UNC79: variants seen among roughly 807,000 people sequenced by gnomAD.
UNC79 encodes the protein protein unc-79 homolog.
A neutral mutation model predicts 283.1 loss-of-function variants in UNC79; 37 were observed. That is an observed-to-expected ratio of 0.13 (90% confidence interval 0.10 to 0.17). UNC79 has a LOEUF of 0.17. Ranked by LOEUF, UNC79 falls within the 10% of genes least tolerant of loss-of-function variation. UNC79 has a pLI of 1.00. For synonymous variants in UNC79, 1,107 were observed against 1,200.2 expected (o/e 0.92, Z 1.61); for missense variants, 2,272 against 3,211.1 (o/e 0.71, Z 7.07).
intron 1 of UNC79, among the ~76,000 whole-genome samples, chr14:93,366,862 C>T (rs145222799): frequency 1.1e-3 from 172 of 152,232 alleles, no homozygotes; most frequent in Non-Finnish European, 2.1e-3. Context: ...TGTGAGCCAC[C>T]GTGCCCAGCC....
chr14:93,611,286 T>C (rs1001114300), intron 26 of UNC79, among the ~76,000 whole-genome samples: 1 of 151,760 alleles, frequency 6.6e-6, no homozygotes, highest in Admixed American at 6.6e-5. Flanking sequence ...CCTGGAATCA[T>C]ACTAAAGTGT....
chr14:93,427,900 G>T (rs2055767015), upstream of UNC79, among the ~76,000 whole-genome samples: 1 of 152,062 alleles, frequency 6.6e-6, no homozygotes, highest in Non-Finnish European at 1.5e-5. Flanking sequence ...CTGGGTAGTG[G>T]TAACATTAGT....
At chr14:93,680,315 C>T (rs2073742153) in intron 41 of UNC79, among the ~76,000 whole-genome samples, 2 of 152,142 alleles carry the variant, frequency 1.3e-5, no homozygotes, top group Non-Finnish European at 2.9e-5. Flanking sequence ...TACTTCTTCA[C>T]AAACCTTATC....
intron 26 of UNC79, among the ~76,000 whole-genome samples, chr14:93,606,499 G>T (rs1162978805): frequency 6.6e-6 from 1 of 152,186 alleles, no homozygotes; most frequent in African/African-American, 2.4e-5. Context: ...GGACATGCCA[G>T]ATTTATCGTA....
chr14:93,673,902 C>T (rs2073108586), intron 41 of UNC79, among the ~76,000 whole-genome samples: 1 of 152,124 alleles, frequency 6.6e-6, no homozygotes, highest in South Asian at 2.1e-4. Context: ...AGGCCAGAGA[C>T]AGTCAAATGG....
intron 32 of UNC79, 161 bp downstream of exon 35, chr14:93,637,460 A>G: frequency 8.0e-7 from 1 of 1,246,628 alleles, no homozygotes; most frequent in Non-Finnish European, 1.1e-6. Flanking sequence ...GTGACATCTC[A>G]TCTTTGAACA....
At chr14:93,449,715 G>C (rs988952047) in intron 1 of UNC79, among the ~76,000 whole-genome samples, 7 of 152,094 alleles carry the variant, frequency 4.6e-5, no homozygotes, top group African/African-American at 1.7e-4. Context: ...ATGCGACTGG[G>C]TTCATGCTTG....
Position 93,474,079 on chromosome 14 carries a change from C to G in UNC79, c.144-10C>G. ...TTGTTGTCTCTTTTTTTTCTTTGTC[C>G]CCCCAACAGCATTTTGTCCCGCACA... On this transcript the variant is annotated splice_polypyrimidine_tract_variant and intron_variant, in intron 2 of 48. Transcript: ENST00000555664. The surrounding 1 kb of genome is among the most constrained non-coding windows in gnomAD (Gnocchi z 4.1). 6.6e-7 allele frequency: 1 copy of G among 1,511,270 alleles called. No individual in the cohort carries two copies. Among genetic ancestry groups the G allele is most frequent in the Non-Finnish European group, 8.8e-7 (1 of 1,133,338 alleles). The allele number at this position is 1,511,270 out of a possible 1,614,324, so 93.6% of individuals were successfully genotyped here. A position where few individuals can be genotyped will look rare whatever the true frequency, so the allele number is the denominator to read the frequency against.
intron 4 of UNC79, among the ~76,000 whole-genome samples, chr14:93,478,225 G>A (rs1566973644): frequency 6.6e-6 from 1 of 152,110 alleles, no homozygotes; most frequent in Non-Finnish European, 1.5e-5. Context: ...TTCCCTTATA[G>A]AGGTATCGTG....
At chr14:93,694,691 G>A (rs61981652) in intron 47 of UNC79, among the ~76,000 whole-genome samples, 7,592 of 152,082 alleles carry the variant, frequency 0.05, 275 homozygotes, top group Middle Eastern at 0.1. Flanking sequence ...TGAAGCAGGA[G>A]GATTGCTTGA....
chr14:93,472,948 T>G (rs1275687626), intron 2 of UNC79, among the ~76,000 whole-genome samples: 2 of 152,150 alleles, frequency 1.3e-5, no homozygotes, highest in Non-Finnish European at 1.5e-5. Flanking sequence ...CTAAATAGTA[T>G]AACCTAATTT....
intron 31 of UNC79, among the ~76,000 whole-genome samples, chr14:93,632,634 G>A (rs2068126511): frequency 6.6e-6 from 1 of 151,916 alleles, no homozygotes; most frequent in African/African-American, 2.4e-5. Flanking sequence ...GGGAGATGGC[G>A]GCTGCAGTGA....
rs560738095 is a variant in UNC79, at chr14:93,623,518, A to G, written c.5608+677A>G. Among the ~76,000 whole-genome samples the G allele has an allele frequency of 3.3e-5, 5 of 152,314 alleles. No individual in the cohort carries two copies. In the South Asian group the frequency reaches 8.3e-4, roughly 25 times the overall value. ...GAAAGAAATGGCAAGCCCATGATCC[A>G]CCTCATCCTATAACAGTCTTCTGTA... On this transcript the variant is annotated intron_variant, in intron 30 of 48. Transcript: ENST00000555664.
In UNC79 at chr14:93,531,139, T is replaced by G. The variant is rs778266096; in HGVS notation, c.1094-1411T>G. Among the ~76,000 whole-genome samples the G allele has an allele frequency of 2.6e-5, 4 of 152,228 alleles. No individual in the cohort carries two copies. The highest frequency in any genetic ancestry group is 4.4e-5 in the Non-Finnish European group (3 of 68,040). ...GTTGTCATCTCCAGTGATATTCATCTTTAGAGGAATATTGGCAATAACTTT... is the reference window on the plus strand; with the variant it reads ...GTTGTCATCTCCAGTGATATTCATCGTTAGAGGAATATTGGCAATAACTTT... On this transcript the variant is annotated intron_variant, in intron 10 of 48. Coordinates refer to ENST00000555664, the Ensembl canonical transcript of UNC79. This position sits in a 1 kb window ranked among gnomAD's most constrained non-coding sequence, Gnocchi z 4.2.
intron 1 of UNC79, among the ~76,000 whole-genome samples, chr14:93,419,400 C>T (rs1389491161): frequency 6.6e-6 from 1 of 151,500 alleles, no homozygotes; most frequent in Non-Finnish European, 1.5e-5. Flanking sequence ...AACTCCTGAC[C>T]TCGTGATCCA....
intron 1 of UNC79, among the ~76,000 whole-genome samples, chr14:93,394,496 C>T (rs951638784): frequency 5.3e-5 from 8 of 150,870 alleles, no homozygotes; most frequent in African/African-American, 2.0e-4. Context: ...CTGCAACCTC[C>T]GCCTCCCAGG....
At chr14:93,513,784 T>C (rs2059936768) in intron 7 of UNC79, among the ~76,000 whole-genome samples, 1 of 152,236 alleles carries the variant, frequency 6.6e-6, no homozygotes, top group South Asian at 2.1e-4. Flanking sequence ...TCTATCTGTT[T>C]GTACCTGTTA....
At chr14:93,666,431 GAAAAAGATATACCAGACT>G (rs1034649529) in intron 40 of UNC79, among the ~76,000 whole-genome samples, 1 of 151,932 alleles carries the variant, frequency 6.6e-6, no homozygotes, top group Non-Finnish European at 1.5e-5. Flanking sequence ...GAAAAAGGTT[GAAAAAGATATACCAGACT>G]AATACTAATA....
At chr14:93,689,654 A>G (rs1290565092) in intron 44 of UNC79, 1 of 155,834 alleles carries the variant, frequency 6.4e-6, no homozygotes, top group East Asian at 1.9e-4. Context: ...ACGCCCAGCT[A>G]ATTTTTCTAT....
Sources: allele counts gnomAD v4.1 joint callset (sites outside exome capture counted in the v4.1 genomes callset), GRCh38; gene constraint gnomAD v4.1.1; non-coding constraint Gnocchi (gnomAD v3.1); transcripts MANE v1.5; gene names NCBI Gene and HGNC (gene_info 2026-07-23, HGNC 2026-07-21).